BCL2L1: variants seen among roughly 807,000 people sequenced by gnomAD.
BCL2L1 encodes BCL2 like 1, also known as bcl-2-like protein 1.
A neutral mutation model predicts 18.7 loss-of-function variants in BCL2L1; 1 was observed. That is an observed-to-expected ratio of 0.05 (90% CI 0.02 to 0.25). The LOEUF is 0.25. BCL2L1 is among the 10% of genes least tolerant of loss of function. The probability of loss-of-function intolerance (pLI) is 1.00; values close to 1 mark genes in which losing one functional copy is unlikely to be tolerated. For synonymous variants in BCL2L1, 103 were observed against 122.7 expected, an observed-to-expected ratio of 0.84 and a Z score of 1.06; for missense variants, 207 against 304.9, an observed-to-expected ratio of 0.68 and a Z score of 2.39.
intron 2 of BCL2L1, among the ~76,000 whole-genome samples, chr20:31,667,484 C>CGTGTGTGTGTGTTTGT (rs2060605551): frequency 2.2e-5 from 3 of 135,266 alleles, no homozygotes; most frequent in Admixed American, 7.3e-5. Context: ...ACCATAGTAC[C>CGTGTGTGTGTGTTTGT]GTGTGTGTGT....
At chr20:31,673,068 CTTTTT>C (rs906594378) in intron 2 of BCL2L1, among the ~76,000 whole-genome samples, 2 of 118,268 alleles carry the variant, frequency 1.7e-5, no homozygotes, top group Non-Finnish European at 3.5e-5. Flanking sequence ...GGTGTCCTTG[CTTTTT>C]TTTTTTTTTT....
chr20:31,708,338 T>C (rs2061402671), intron 2 of BCL2L1, among the ~76,000 whole-genome samples: 1 of 152,214 alleles, frequency 6.6e-6, no homozygotes, highest in Admixed American at 6.5e-5. Context: ...AAGAAGCCTG[T>C]ACATGTGATA....
chr20:31,689,754 G>A (rs989234719), intron 2 of BCL2L1, among the ~76,000 whole-genome samples: 6 of 152,170 alleles, frequency 3.9e-5, no homozygotes, highest in Admixed American at 3.3e-4. Context: ...GGTGGCGCAC[G>A]CCTGTAATCC....
chr20:31,666,621 C>A (rs560836144), intron 2 of BCL2L1, among the ~76,000 whole-genome samples: 1 of 151,980 alleles, frequency 6.6e-6, no homozygotes. Flanking sequence ...TCATTTGAGG[C>A]CAATTCAGGG....
chr20:31,704,165 G>A (rs1035551173), intron 2 of BCL2L1, among the ~76,000 whole-genome samples: 4 of 144,840 alleles, frequency 2.8e-5, no homozygotes, highest in East Asian at 2.0e-4. Context: ...GTGCAGTGGC[G>A]CGATCTCAGC....
intron 2 of BCL2L1, among the ~76,000 whole-genome samples, chr20:31,709,251 C>T (rs2061414600): frequency 6.6e-6 from 1 of 152,150 alleles, no homozygotes; most frequent in South Asian, 2.1e-4. Flanking sequence ...CATGATCTCT[C>T]AAATGCTTCA....
intron 2 of BCL2L1, among the ~76,000 whole-genome samples, chr20:31,666,542 C>G (rs966694165): frequency 1.3e-5 from 2 of 152,010 alleles, no homozygotes; most frequent in Non-Finnish European, 2.9e-5. Context: ...TGTGGAGCCA[C>G]TAGGCCTCAG....
At chr20:31,723,617 C>T (rs922312905), upstream of BCL2L1, 4 of 985,280 alleles carry the variant, frequency 4.1e-6, no homozygotes, top group South Asian at 4.7e-5. Context: ...AGGGGCCTCG[C>T]CCCCGGCGGT....
rs974592926 is a variant in BCL2L1 at position 31,687,582 on chromosome 20, C to T, written c.565-21496G>A. On this transcript the variant is annotated intron_variant, in intron 2 of 2. Coordinates refer to ENST00000307677, the MANE Select transcript of BCL2L1 (RefSeq NM_138578.3). ...ATCCCAGCTACTCAGGAGGCTGAGGCAGGAGAATCGCTTGAACCCGGGAGT... is the reference window on the plus strand; with the variant it reads ...ATCCCAGCTACTCAGGAGGCTGAGGTAGGAGAATCGCTTGAACCCGGGAGT... Among the ~76,000 whole-genome samples, 3 of 149,054 alleles carry T rather than the reference C, an allele frequency of 2.0e-5. No homozygotes were observed. The East Asian group carries it at 6.0e-4, about 30-fold the overall frequency.
intron 2 of BCL2L1, chr20:31,720,782 AGTCTGTTACTAAATCTCAAT>A: frequency 4.1e-6 from 4 of 985,450 alleles, no homozygotes; most frequent in Non-Finnish European, 4.8e-6. Flanking sequence ...CTGCATGTGA[AGTCTGTTACTAAATCTCAAT>A]GTCCCACAGA....
chr20:31,718,690 G>T (rs557126627), intron 2 of BCL2L1, among the ~76,000 whole-genome samples: 1 of 151,548 alleles, frequency 6.6e-6, no homozygotes, highest in Admixed American at 6.6e-5. Context: ...TTAATAAGCA[G>T]CTCACTCTGG....
intron 2 of BCL2L1, among the ~76,000 whole-genome samples, chr20:31,692,579 G>C (rs987278830): frequency 1.1e-4 from 17 of 151,954 alleles, no homozygotes; most frequent in African/African-American, 4.1e-4. Context: ...TTTGAGACCA[G>C]CCTGGCCAAT....
intron 2 of BCL2L1, among the ~76,000 whole-genome samples, chr20:31,703,172 G>A (rs2061311083): frequency 2.0e-5 from 3 of 151,356 alleles, no homozygotes; most frequent in Admixed American, 1.3e-4. Context: ...AGCCTCCCAG[G>A]TAGCTGGCAT....
chr20:31,681,436 C>A (rs2060859264), intron 2 of BCL2L1, among the ~76,000 whole-genome samples: 1 of 152,128 alleles, frequency 6.6e-6, no homozygotes. Context: ...CTGCTTGAGT[C>A]CAAAAGTTTC....
intron 2 of BCL2L1, among the ~76,000 whole-genome samples, chr20:31,698,084 C>T (rs919456782): frequency 2.6e-5 from 4 of 151,894 alleles, no homozygotes; most frequent in African/African-American, 9.7e-5. Context: ...GATGGGGTTT[C>T]ACCATGTTGG....
In BCL2L1 at chr20:31,690,894, A is replaced by G. The variant is rs1037929974; in HGVS notation, c.565-24808T>C. ...CCAGGCACGGTGGCTCAGGCCTGTAATCCCAGCACTTTGGGAGGCCGAGGT... is the reference window on the plus strand; with the variant it reads ...CCAGGCACGGTGGCTCAGGCCTGTAGTCCCAGCACTTTGGGAGGCCGAGGT... On this transcript the variant is annotated intron_variant, in intron 2 of 2. Transcript: ENST00000307677. Among the ~76,000 whole-genome samples the G allele has an allele frequency of 1.1e-3, 169 of 152,190 alleles. 1 individual carries two copies. Among genetic ancestry groups the G allele is most frequent in the African/African-American group, 3.9e-3 (161 of 41,548 alleles).
intron 2 of BCL2L1, chr20:31,686,094 G>C (rs528620521): frequency 6.6e-6 from 1 of 152,272 alleles, no homozygotes; most frequent in South Asian, 2.1e-4. Flanking sequence ...AGCCCAAATA[G>C]CCTCTGGGTC....
chr20:31,704,974 C>T (rs554544624), intron 2 of BCL2L1, among the ~76,000 whole-genome samples: 2 of 152,324 alleles, frequency 1.3e-5, no homozygotes, highest in South Asian at 4.1e-4. Context: ...CTAGTCTTCA[C>T]TGAGCTCAGA....
At chr20:31,681,028 G>A (rs561480973) in intron 2 of BCL2L1, among the ~76,000 whole-genome samples, 2 of 152,324 alleles carry the variant, frequency 1.3e-5, no homozygotes, top group African/African-American at 2.4e-5. Flanking sequence ...CGCTTGAGGT[G>A]CTCCAGGAAC....
Sources: gnomAD v4.1 joint callset for allele counts (sites outside exome capture counted in the v4.1 genomes callset) on GRCh38, gnomAD v4.1.1 for gene constraint, MANE v1.5 for transcripts, NCBI Gene and HGNC (gene_info 2026-07-23, HGNC 2026-07-21) for gene names.